ARHGAP39: variants seen among roughly 807,000 people sequenced by gnomAD.
ARHGAP39 encodes the protein Rho GTPase activating protein 39, also known as rho GTPase-activating protein 39.
A neutral mutation model predicts 106.9 loss-of-function variants in ARHGAP39; 44 were observed. The ratio of observed to expected loss-of-function variants is 0.41; its 90% CI spans 0.32 to 0.53. The LOEUF (loss-of-function observed/expected upper bound fraction) is 0.53, where lower values mean the gene tolerates loss of function less well. Among genes scored for constraint, ARHGAP39 ranks in the 20% least tolerant of loss-of-function variants. The pLI is 0.21. For synonymous variants in ARHGAP39, 768 were observed against 693.2 expected, an observed-to-expected ratio of 1.11 and a Z score of -1.69; for missense variants, 1,496 against 1,577.3, an observed-to-expected ratio of 0.95 and a Z score of 0.87.
chr8:144,546,168 T>A (rs1419033943), intron 5 of ARHGAP39, among the ~76,000 whole-genome samples: 3 of 152,192 alleles, frequency 2.0e-5, no homozygotes, highest in Non-Finnish European at 4.4e-5. Context: ...AGTGCCCTTG[T>A]TCAGGCACGG....
chr8:144,542,057 C>T (rs574335889), intron 6 of ARHGAP39, among the ~76,000 whole-genome samples: 8 of 152,092 alleles, frequency 5.3e-5, no homozygotes, highest in South Asian at 2.1e-4. Context: ...ATGTTCAATC[C>T]GCCATCTTGA....
intron 3 of ARHGAP39, among the ~76,000 whole-genome samples, chr8:144,564,911 C>A (rs1025743716): frequency 6.6e-6 from 1 of 151,846 alleles, no homozygotes; most frequent in Non-Finnish European, 1.5e-5. Flanking sequence ...GAGTTCGAGA[C>A]CAACCTGACC....
chr8:144,548,393 G>A lies in ARHGAP39; in HGVS notation c.693C>T (p.Gly231=). Residue 231 remains glycine (G), a synonymous_variant, in exon 5 of 12, where the codon GGC becomes GGT. Coordinates refer to ENST00000377307, the MANE Select transcript of ARHGAP39 (RefSeq NM_025251.3). This position sits in a 1 kb window ranked among gnomAD's most constrained non-coding sequence, Gnocchi z 7.4. ...CCCCAGGTGGGCCGTCTGGGGCGTA[G>A]CCATTGCCCTGGGCGGCGAGGAAGC... ...EPSFLAAQGN[G]YAPDGPPGVR... is the part of the protein sequence containing the mutation. The A allele has an allele frequency of 6.2e-7, 1 of 1,610,622 alleles. No individual in the cohort carries two copies. The highest frequency in any genetic ancestry group is 1.1e-5 in the South Asian group (1 of 90,902).
At chr8:144,590,186 G>A (rs776587021) in intron 2 of ARHGAP39, among the ~76,000 whole-genome samples, 1 of 152,202 alleles carries the variant, frequency 6.6e-6, no homozygotes, top group Non-Finnish European at 1.5e-5. Context: ...TTGGGGCAGG[G>A]CCATCTCCGG....
intron 1 of ARHGAP39, among the ~76,000 whole-genome samples, chr8:144,682,651 C>G (rs1822457646): frequency 6.6e-6 from 1 of 152,146 alleles, no homozygotes; most frequent in African/African-American, 2.4e-5. Context: ...TTATGTCCTC[C>G]CTGTCACTTA....
In ARHGAP39 at chr8:144,545,825, T is replaced by C. The variant is rs1013881514; in HGVS notation, c.1960-15A>G. 7.2e-6 allele frequency: 9 copies of C among 1,257,670 alleles called. No individual in the cohort carries two copies. The African/African-American group carries it at 1.4e-4, about 20-fold the overall frequency. The allele number at this position is 1,257,670 out of a possible 1,614,324, so 77.9% of individuals were successfully genotyped here. A position where few individuals can be genotyped will look rare whatever the true frequency, so the allele number is the denominator to read the frequency against. Reference sequence around the variant, plus strand: ...AGGTCCTCAGACTGAGAAGGACAAATGCGGCTGGGCTGTTGGGGGTGGGGG... The same window carrying C: ...AGGTCCTCAGACTGAGAAGGACAAACGCGGCTGGGCTGTTGGGGGTGGGGG... On this transcript the variant is annotated splice_polypyrimidine_tract_variant and intron_variant, in intron 5 of 11. Coordinates refer to ENST00000377307, the MANE Select transcript of ARHGAP39 (RefSeq NM_025251.3).
At position 144,585,114 on chromosome 8, in the gene ARHGAP39, G is replaced by A. The variant is rs1303824871; in HGVS notation, c.81-3837C>T. Reference sequence around the variant, plus strand: ...GTCCAGGTGTCTGAAGGGCTTAGACGCCCTCTCCCGATTGGCCCTGTGTCC... The same window carrying A: ...GTCCAGGTGTCTGAAGGGCTTAGACACCCTCTCCCGATTGGCCCTGTGTCC... On this transcript the variant is annotated intron_variant, in intron 2 of 11. Coordinates refer to ENST00000377307, the MANE Select transcript of ARHGAP39 (RefSeq NM_025251.3). This position sits in a 1 kb window ranked among gnomAD's most constrained non-coding sequence, Gnocchi z 4.6. Among the ~76,000 whole-genome samples, 2 of 152,226 alleles carry A rather than the reference G, an allele frequency of 1.3e-5. No homozygotes were observed. Among genetic ancestry groups the A allele is most frequent in the East Asian group, 1.9e-4 (1 of 5,170 alleles).
intron 1 of ARHGAP39, among the ~76,000 whole-genome samples, chr8:144,663,764 A>G (rs553016317): frequency 2.0e-5 from 3 of 152,264 alleles, no homozygotes; most frequent in South Asian, 4.1e-4. Context: ...CATCTCCAAT[A>G]CTTCAGGCTC....
At chr8:144,546,736 C>T (rs2130841289) in intron 5 of ARHGAP39, among the ~76,000 whole-genome samples, 1 of 152,276 alleles carries the variant, frequency 6.6e-6, no homozygotes, top group Non-Finnish European at 1.5e-5. Flanking sequence ...GCTTTGAGAA[C>T]CACCAGGGAA....
chr8:144,600,986 G>A (rs984458251), intron 2 of ARHGAP39, among the ~76,000 whole-genome samples: 6 of 146,730 alleles, frequency 4.1e-5, no homozygotes, highest in Admixed American at 6.8e-5. Context: ...GGAGGTGTGT[G>A]TGCGAGCTCA....
At chr8:144,535,231 A>T (rs1816906314) in intron 7 of ARHGAP39, among the ~76,000 whole-genome samples, 1 of 152,248 alleles carries the variant, frequency 6.6e-6, no homozygotes, top group Non-Finnish European at 1.5e-5. Context: ...GGTTAAAAAA[A>T]AGTGCACACG....
At chr8:144,608,888 GTTAT>G (rs1309283295) in intron 1 of ARHGAP39, among the ~76,000 whole-genome samples, 3 of 152,082 alleles carry the variant, frequency 2.0e-5, no homozygotes, top group Admixed American at 6.5e-5. Context: ...AGAAAAAAAT[GTTAT>G]TTGTTTTTAC....
chr8:144,616,503 C>T (rs1264800869), intron 1 of ARHGAP39, among the ~76,000 whole-genome samples: 1 of 152,202 alleles, frequency 6.6e-6, no homozygotes. Context: ...GCCGCCTGGT[C>T]AAAGGGTGCT....
intron 2 of ARHGAP39, among the ~76,000 whole-genome samples, chr8:144,597,359 C>A (rs1819660299): frequency 6.6e-6 from 1 of 152,248 alleles, no homozygotes; most frequent in African/African-American, 2.4e-5. Context: ...GTGGGGCCGA[C>A]TGGTCCTGTC....
intron 1 of ARHGAP39, among the ~76,000 whole-genome samples, chr8:144,618,085 A>C (rs564976607): frequency 3.8e-4 from 58 of 152,248 alleles, no homozygotes; most frequent in African/African-American, 1.3e-3. Flanking sequence ...CCTGGCCTAA[A>C]ATTCTATTTT....
rs916192794 is a variant in ARHGAP39 at position 144,591,275 on chromosome 8, C to T, written c.81-9998G>A. ...AGCACAGACCTGCAGGGGAGGGTGG[C>T]GCGTGTGAGGAGCACCTGCTGGGAC... On this transcript the variant is annotated intron_variant, in intron 2 of 11. Transcript: ENST00000377307. The surrounding 1 kb of genome is among the most constrained non-coding windows in gnomAD (Gnocchi z 5.3). Among the ~76,000 whole-genome samples the T allele has an allele frequency of 7.9e-5, 12 of 152,118 alleles. No individual in the cohort carries two copies. Among genetic ancestry groups the T allele is most frequent in the African/African-American group, 2.4e-4 (10 of 41,404 alleles).
chr8:144,676,794 G>C (rs555402996), intron 1 of ARHGAP39, among the ~76,000 whole-genome samples: 1 of 152,236 alleles, frequency 6.6e-6, no homozygotes, highest in Non-Finnish European at 1.5e-5. Context: ...CTCTGGCCTC[G>C]GCCAGCCCCA....
chr8:144,654,509 C>CT (rs1298673786), intron 1 of ARHGAP39, among the ~76,000 whole-genome samples: 12 of 152,114 alleles, frequency 7.9e-5, no homozygotes, highest in Admixed American at 7.9e-4. Flanking sequence ...GTCAAAAAAA[C>CT]TTTTTCCAAA....
Position 144,587,718 on chromosome 8 carries a change from G to A in ARHGAP39, c.81-6441C>T, listed in dbSNP as rs1225920933. On this transcript the variant is annotated intron_variant, in intron 2 of 11. Coordinates refer to ENST00000377307, the MANE Select transcript of ARHGAP39 (RefSeq NM_025251.3). ...CATCCAGGCTGGAGTGCGGTGGCGC[G>A]ATCTCGGCTCGCTGCGACTTCTGCC... is the stretch of plus-strand genomic sequence containing the variant. Among the ~76,000 whole-genome samples, 10 of 151,118 alleles carry A rather than the reference G, an allele frequency of 6.6e-5. No individual in the cohort carries two copies. In the South Asian group the frequency reaches 1.3e-3, roughly 19 times the overall value.
Sources: gnomAD v4.1 joint callset for allele counts (sites outside exome capture counted in the v4.1 genomes callset) on GRCh38, gnomAD v4.1.1 for gene constraint, Gnocchi (gnomAD v3.1) non-coding constraint, MANE v1.5 for transcripts, NCBI Gene and HGNC (gene_info 2026-07-23, HGNC 2026-07-21) for gene names.